RAVER2: variants seen among roughly 807,000 people sequenced by gnomAD.
RAVER2 encodes ribonucleoprotein, PTB binding 2.
In RAVER2, 46 loss-of-function variants were observed where a neutral mutation model predicts 78.1. The observed-to-expected ratio is 0.59, with a 90% confidence interval of 0.46 to 0.75. The LOEUF (loss-of-function observed/expected upper bound fraction) is 0.75. Among genes scored for constraint, RAVER2 ranks in the 30% least tolerant of loss-of-function variants. The pLI, the probability that RAVER2 is intolerant of heterozygous loss-of-function variation, is 0.00. For synonymous variants in RAVER2, 311 were observed against 313.3 expected (o/e 0.99, Z 0.08); for missense variants, 793 against 837.5 (o/e 0.95, Z 0.66).
intron 8 of RAVER2, 143 bp from the exon 9 acceptor site, chr1:64,807,063 C>T: frequency 1.1e-6 from 1 of 945,188 alleles, no homozygotes; most frequent in Non-Finnish European, 1.5e-6. Flanking sequence ...TAATTAACAA[C>T]CTCTAACCTT....
intron 2 of RAVER2, among the ~76,000 whole-genome samples, chr1:64,776,460 A>G (rs761740362): frequency 2.6e-5 from 4 of 152,240 alleles, no homozygotes; most frequent in Non-Finnish European, 4.4e-5. Context: ...GCCGCATGGC[A>G]CTAAGACCAA....
exon 12 of RAVER2, chr1:64,833,029 A>G (rs1273979787): frequency 5.7e-6 from 1 of 175,400 alleles, no homozygotes; most frequent in African/African-American, 2.4e-5. Context: ...CATGCCATCC[A>G]TACTGGCCTG....
chr1:64,769,982 A>G (rs1652272011), intron 2 of RAVER2, among the ~76,000 whole-genome samples: 1 of 151,954 alleles, frequency 6.6e-6, no homozygotes, highest in Non-Finnish European at 1.5e-5. Context: ...TGTTTTTCAG[A>G]TCTTTCCACA....
chr1:64,810,778 G>A (rs1653581729), intron 9 of RAVER2, among the ~76,000 whole-genome samples: 1 of 152,006 alleles, frequency 6.6e-6, no homozygotes, highest in African/African-American at 2.4e-5. Flanking sequence ...GTTCATTTTT[G>A]TTGTCATTGC....
chr1:64,764,623 T>C (rs1422255123), intron 1 of RAVER2, among the ~76,000 whole-genome samples: 9 of 152,188 alleles, frequency 5.9e-5, no homozygotes, highest in Admixed American at 2.0e-4. Context: ...CATCACACTG[T>C]AGGAGAATAC....
At chr1:64,755,965 A>G (rs1364339483) in intron 1 of RAVER2, among the ~76,000 whole-genome samples, 1 of 152,008 alleles carries the variant, frequency 6.6e-6, no homozygotes, top group East Asian at 1.9e-4. Flanking sequence ...ACAACTTCCA[A>G]CATAACTGCA....
intron 4 of RAVER2, 89 bp downstream of exon 4, chr1:64,781,660 T>TGG: frequency 1.6e-6 from 2 of 1,241,740 alleles, no homozygotes; most frequent in Non-Finnish European, 2.2e-6. Context: ...AAGTAATTGA[T>TGG]TGTCGATTGC....
At chr1:64,754,869 C>T (rs1038501203) in intron 1 of RAVER2, among the ~76,000 whole-genome samples, 2 of 152,142 alleles carry the variant, frequency 1.3e-5, no homozygotes, top group African/African-American at 4.8e-5. Context: ...CTGTAGGCCA[C>T]GTTTATGCAT....
At chr1:64,833,218 G>T (rs1291093678) in exon 12 of RAVER2, 1 of 217,042 alleles carries the variant, frequency 4.6e-6, no homozygotes, top group Non-Finnish European at 9.3e-6. Flanking sequence ...ATATTAAAAG[G>T]CATATGCATG....
chr1:64,797,199 T>A (rs1166586098), intron 5 of RAVER2, among the ~76,000 whole-genome samples: 1 of 152,088 alleles, frequency 6.6e-6, no homozygotes, highest in Non-Finnish European at 1.5e-5. Flanking sequence ...GGATGTGGAG[T>A]GTTCTATACA....
chr1:64,824,932 C>CCAA (rs532189708), intron 11 of RAVER2, among the ~76,000 whole-genome samples: 1 of 79,418 alleles, frequency 1.3e-5, no homozygotes, highest in African/African-American at 7.8e-5. Context: ...CCCTGTCTCC[C>CCAA]AAAAAAAAAA....
chr1:64,831,776 A>T (rs1411455555), exon 12 of RAVER2: 1 of 152,236 alleles, frequency 6.6e-6, no homozygotes, highest in African/African-American at 2.4e-5. Flanking sequence ...GAAAAAAGAA[A>T]ACTTATGACA....
chr1:64,761,375 CA>C (rs1652016226), intron 1 of RAVER2, among the ~76,000 whole-genome samples: 1 of 152,060 alleles, frequency 6.6e-6, no homozygotes, highest in East Asian at 1.9e-4. Flanking sequence ...AATGCAGTTT[CA>C]AAAGAGGGAG....
chr1:64,758,766 G>T (rs1001943616), intron 1 of RAVER2, among the ~76,000 whole-genome samples: 1 of 152,098 alleles, frequency 6.6e-6, no homozygotes, highest in Non-Finnish European at 1.5e-5. Context: ...AATGGGGCCT[G>T]CCTGGACTTA....
At chr1:64,832,537 G>GATCA (rs1299018707) in exon 12 of RAVER2, 9 of 152,216 alleles carry the variant, frequency 5.9e-5, no homozygotes, top group Admixed American at 2.0e-4. Flanking sequence ...TTTGAAATCA[G>GATCA]ATCATTAAAT....
At chr1:64,806,362 GATTGTGC>G (rs1653418875) in intron 8 of RAVER2, among the ~76,000 whole-genome samples, 1 of 152,176 alleles carries the variant, frequency 6.6e-6, no homozygotes. Context: ...AGTGAGCCAT[GATTGTGC>G]CACTGCACTC....
chr1:64,782,184 G>C (rs1021454857), intron 4 of RAVER2, among the ~76,000 whole-genome samples: 4 of 152,170 alleles, frequency 2.6e-5, no homozygotes, highest in Non-Finnish European at 5.9e-5. Flanking sequence ...GATTACAGGC[G>C]TGAGCCACCG....
intron 2 of RAVER2, among the ~76,000 whole-genome samples, chr1:64,775,674 G>A (rs540143474): frequency 6.6e-6 from 1 of 152,296 alleles, no homozygotes; most frequent in Admixed American, 6.5e-5. Context: ...AAAGGAAATA[G>A]AAGAAAGAGC....
intron 9 of RAVER2, among the ~76,000 whole-genome samples, chr1:64,810,146 C>T (rs1383075800): frequency 1.3e-5 from 2 of 152,182 alleles, no homozygotes; most frequent in African/African-American, 4.8e-5. Context: ...TTTGTTGGAA[C>T]TGTCATCCTT....
Sources: gnomAD v4.1 joint callset for allele counts (sites outside exome capture counted in the v4.1 genomes callset) on GRCh38, gnomAD v4.1.1 for gene constraint, MANE v1.5 for transcripts, NCBI Gene and HGNC (gene_info 2026-07-23, HGNC 2026-07-21) for gene names.